Variants in CAPS2 observed in about 807,000 individuals in gnomAD.
The protein encoded by CAPS2 is calcyphosine 2, also known as calcyphosin-2.
A neutral mutation model predicts 86.5 loss-of-function variants in CAPS2; 98 were observed. That is an observed-to-expected ratio of 1.13 (90% confidence interval 0.96 to 1.34). CAPS2 has a LOEUF of 1.34. CAPS2 is among the 40% of genes most tolerant of loss of function. CAPS2 has a pLI of 0.00. For missense variants in CAPS2, 729 were observed against 686.8 expected, an observed-to-expected ratio of 1.06 and a Z score of -0.69; for synonymous variants, 210 against 225.1, an observed-to-expected ratio of 0.93 and a Z score of 0.60.
intron 1 of CAPS2, among the ~76,000 whole-genome samples, chr12:75,371,757 A>C (rs2044373272): frequency 6.6e-6 from 1 of 152,228 alleles, no homozygotes; most frequent in Non-Finnish European, 1.5e-5. Context: ...TAAAATGAAG[A>C]TACTTTCTTA....
At chr12:75,294,563 G>C (rs914738158) in intron 11 of CAPS2, among the ~76,000 whole-genome samples, 2 of 152,118 alleles carry the variant, frequency 1.3e-5, no homozygotes, top group Non-Finnish European at 2.9e-5. Flanking sequence ...TGCTCTAAGT[G>C]CAGAACCATC....
chr12:75,356,886 A>G (rs1360434895), intron 1 of CAPS2, among the ~76,000 whole-genome samples: 1 of 152,194 alleles, frequency 6.6e-6, no homozygotes, highest in Non-Finnish European at 1.5e-5. Flanking sequence ...CCATGCTAAC[A>G]TCAGTCAAAG....
Position 75,316,479 on chromosome 12 carries a change from A to G in CAPS2, c.469-45T>C, listed in dbSNP as rs75513546. On this transcript the variant is annotated intron_variant, in intron 5 of 16. Transcript: ENST00000393284. ...ATGAAGCATCATACACATATTTAGAATGTTTGTTTTTAACAAAATATGGGA... is the reference window on the plus strand; with the variant it reads ...ATGAAGCATCATACACATATTTAGAGTGTTTGTTTTTAACAAAATATGGGA... 54 of 1,462,676 alleles carry G rather than the reference A, an allele frequency of 3.7e-5. No individual in the cohort carries two copies. In the East Asian group the frequency reaches 1.3e-3, roughly 34 times the overall value. The allele number at this position is 1,462,676 out of a possible 1,614,324, so 90.6% of individuals were successfully genotyped here. A position where few individuals can be genotyped will look rare whatever the true frequency, so the allele number is the denominator to read the frequency against.
At chr12:75,390,893 T>G (rs1382791821) in exon 1 of CAPS2, 1 of 702,424 alleles carries the variant, frequency 1.4e-6, no homozygotes, top group Non-Finnish European at 2.7e-6. Context: ...TTCTTCACTC[T>G]GCAGGTCTAG....
At chr12:75,318,689 T>C (rs574202275) in intron 5 of CAPS2, among the ~76,000 whole-genome samples, 33 of 152,308 alleles carry the variant, frequency 2.2e-4, no homozygotes, top group African/African-American at 6.0e-4. Context: ...CTGACTTTCC[T>C]AGATCCCTTC....
chr12:75,299,926 A>C lies in CAPS2; in HGVS notation c.780-15T>G, dbSNP rs2037529529. 2 of 1,146,628 alleles carry C rather than the reference A, an allele frequency of 1.7e-6. No homozygotes were observed. The highest frequency in any genetic ancestry group is 2.4e-6 in the Non-Finnish European group (2 of 823,502). The allele number at this position is 1,146,628 out of a possible 1,614,324, so 71.0% of individuals were successfully genotyped here. On this transcript the variant is annotated splice_polypyrimidine_tract_variant and intron_variant, in intron 8 of 16. Coordinates refer to ENST00000393284, the Ensembl canonical transcript of CAPS2. ...GAGTTCTTATCCTGTTAAGAAATAC[A>C]TTTTGTCAGTAATTTTTCAAGATAC...
chr12:75,330,090 G>A (rs532235751), upstream of CAPS2: 2 of 393,334 alleles, frequency 5.1e-6, no homozygotes, highest in Admixed American at 4.4e-5. Flanking sequence ...CGCAGCGCAG[G>A]GCTTCTGATT....
exon 17 of CAPS2, chr12:75,278,433 GC>G (rs2033285964): frequency 2.0e-6 from 2 of 984,822 alleles, no homozygotes; most frequent in Non-Finnish European, 2.4e-6. Flanking sequence ...CTGGCTTTGG[GC>G]CCAATTCTAA....
At chr12:75,308,814 G>A (rs1238344100) in intron 7 of CAPS2, among the ~76,000 whole-genome samples, 1 of 146,550 alleles carries the variant, frequency 6.8e-6, no homozygotes, top group East Asian at 2.0e-4. Flanking sequence ...AAACAAAAGT[G>A]AGATTAAAAA....
At chr12:75,314,126 G>A (rs1353746214) in intron 6 of CAPS2, among the ~76,000 whole-genome samples, 2 of 151,976 alleles carry the variant, frequency 1.3e-5, no homozygotes, top group Non-Finnish European at 2.9e-5. Context: ...TACCATGTTG[G>A]CCAGGCTGGT....
Position 75,357,871 on chromosome 12 carries a change from C to T in CAPS2, c.-395+32967G>A, listed in dbSNP as rs151136602. Among the ~76,000 whole-genome samples, 29 of 150,718 alleles carry T rather than the reference C, an allele frequency of 1.9e-4. No homozygotes were observed. The East Asian group carries it at 5.4e-3, about 28-fold the overall frequency. ...ACAGTAATTATGAGAAAATTTATGG[C>T]ACCAAAGGCCCACAATAGAAAAAAA... On this transcript the variant is annotated intron_variant, in intron 1 of 5. Coordinates refer to the CAPS2 transcript ENST00000551829.
chr12:75,277,145 A>G, downstream of CAPS2: 2 of 983,698 alleles, frequency 2.0e-6, no homozygotes, highest in Non-Finnish European at 2.4e-6. Context: ...TTATGTTAGG[A>G]AGATTAAGAT....
At chr12:75,370,265 A>G (rs765579639) in intron 1 of CAPS2, 10 of 723,458 alleles carry the variant, frequency 1.4e-5, no homozygotes, top group Non-Finnish European at 2.1e-5. Flanking sequence ...TTGCTTCTTT[A>G]CTGAATCTTC....
chr12:75,353,611 C>T (rs562807412), intron 1 of CAPS2, among the ~76,000 whole-genome samples: 14 of 152,220 alleles, frequency 9.2e-5, no homozygotes, highest in African/African-American at 3.4e-4. Flanking sequence ...TTCCAAACAA[C>T]TGAAAAGGAG....
chr12:75,383,464 G>T (rs1190550564), intron 1 of CAPS2, among the ~76,000 whole-genome samples: 1 of 151,924 alleles, frequency 6.6e-6, no homozygotes, highest in East Asian at 1.9e-4. Context: ...ATAATAAAGG[G>T]GTTAATTCTC....
At chr12:75,282,679 G>A (rs1021859029) in intron 15 of CAPS2, among the ~76,000 whole-genome samples, 18 of 152,224 alleles carry the variant, frequency 1.2e-4, no homozygotes, top group East Asian at 7.7e-4. Context: ...GAGCCACCAC[G>A]TCCGGCCTGG....
At chr12:75,289,714 A>G in exon 14 of CAPS2, 1 of 1,612,998 alleles carries the variant, frequency 6.2e-7, no homozygotes, top group Non-Finnish European at 8.5e-7. Context: ...ACTGTTGAAA[A>G]TATTTTCCCA....
At chr12:75,338,285 C>G (rs542165885) in intron 1 of CAPS2, among the ~76,000 whole-genome samples, 4 of 152,166 alleles carry the variant, frequency 2.6e-5, no homozygotes, top group African/African-American at 9.6e-5. Flanking sequence ...TGAATTAGGA[C>G]TTGAAAATTA....
chr12:75,298,512 C>A, intron 11 of CAPS2, 175 bp downstream of exon 11: 2 of 526,636 alleles, frequency 3.8e-6, no homozygotes, highest in Admixed American at 3.1e-5. Context: ...AGATTTGGGG[C>A]TGGGAAGCAG....
Sources: allele counts gnomAD v4.1 joint callset (sites outside exome capture counted in the v4.1 genomes callset), GRCh38; gene constraint gnomAD v4.1.1; transcripts MANE v1.5; gene names NCBI Gene and HGNC (gene_info 2026-07-23, HGNC 2026-07-21).